The following GPR158 variants were observed in gnomAD, a reference collection of about 807,000 sequenced individuals.
GPR158 encodes the protein metabotropic glycine receptor.
In GPR158, 30 loss-of-function variants were observed where a neutral mutation model predicts 78.2. The observed-to-expected ratio is 0.38, with a 90% confidence interval of 0.29 to 0.52. GPR158 has a LOEUF of 0.52. GPR158 is among the 20% of genes least tolerant of loss of function. The pLI is 0.83. For missense variants in GPR158, 1,463 were observed against 1,523.5 expected, an observed-to-expected ratio of 0.96 and a Z score of 0.66; for synonymous variants, 581 against 591.1, an observed-to-expected ratio of 0.98 and a Z score of 0.25.
chr10:25,389,352 A>G (rs1296124132), intron 2 of GPR158, among the ~76,000 whole-genome samples: 1 of 152,160 alleles, frequency 6.6e-6, no homozygotes, highest in Non-Finnish European at 1.5e-5. Context: ...TGAGGAGATG[A>G]TGGGACATCC....
In GPR158 at chr10:25,370,035, G is replaced by A. The variant is rs1588829820; in HGVS notation, c.1009-25876G>A. Among the ~76,000 whole-genome samples, 8 of 145,150 alleles carry A rather than the reference G, an allele frequency of 5.5e-5. 2 individuals carry two copies. In the South Asian group the frequency reaches 1.6e-3, roughly 30 times the overall value. ...GATATCCCCTTTATCATTTTTTATT[G>A]CATCTATTTGATTCTTCTCTCTTTT... is the stretch of plus-strand genomic sequence containing the variant. On this transcript the variant is annotated intron_variant, in intron 2 of 10. Transcript: ENST00000376351.
intron 2 of GPR158, among the ~76,000 whole-genome samples, chr10:25,383,377 A>G (rs1202526978): frequency 6.6e-6 from 1 of 152,188 alleles, no homozygotes; most frequent in Non-Finnish European, 1.5e-5. Context: ...CGGTCAAAAC[A>G]AAGGAGAGCT....
intron 2 of GPR158, among the ~76,000 whole-genome samples, chr10:25,298,876 GTTTA>G (rs997142426): frequency 2.0e-5 from 3 of 152,186 alleles, no homozygotes; most frequent in African/African-American, 7.2e-5. Context: ...AAATCTCCAT[GTTTA>G]TTTATTTACC....
rs534022 is a variant in GPR158 at position 25,308,298 on chromosome 10, G to A, written c.1008+87141G>A. ...TAGCTATTTTTCCTAATGCTCTCCCGACTCAAACCTACCACCCGACAGGCC... is the reference window on the plus strand; with the variant it reads ...TAGCTATTTTTCCTAATGCTCTCCCAACTCAAACCTACCACCCGACAGGCC... On this transcript the variant is annotated intron_variant, in intron 2 of 10. Coordinates refer to ENST00000376351, the MANE Select transcript of GPR158 (RefSeq NM_020752.3). 4.6e-5 allele frequency among the ~76,000 whole-genome samples: 7 copies of A among 152,218 alleles called. No individual in the cohort carries two copies. In the East Asian group the frequency reaches 1.2e-3, roughly 25 times the overall value.
intron 2 of GPR158, among the ~76,000 whole-genome samples, chr10:25,364,105 A>C (rs1855682727): frequency 6.6e-6 from 1 of 151,968 alleles, no homozygotes; most frequent in Non-Finnish European, 1.5e-5. Context: ...AAGAAGTATT[A>C]TTCTTCACAT....
At chr10:25,454,021 G>T (rs1835258464) in intron 4 of GPR158, among the ~76,000 whole-genome samples, 1 of 152,096 alleles carries the variant, frequency 6.6e-6, no homozygotes, top group Non-Finnish European at 1.5e-5. Context: ...ACTTTGGGTA[G>T]TATGGATATT....
chr10:25,577,045 T>C (rs977993145), intron 7 of GPR158, among the ~76,000 whole-genome samples: 2 of 152,062 alleles, frequency 1.3e-5, no homozygotes, highest in Non-Finnish European at 2.9e-5. Context: ...TTAAGACATC[T>C]GAGACATGTG....
At chr10:25,528,776 T>C (rs560096691) in intron 5 of GPR158, among the ~76,000 whole-genome samples, 15 of 152,248 alleles carry the variant, frequency 9.9e-5, no homozygotes, top group Admixed American at 2.0e-4. Context: ...TAGTCTAAAA[T>C]TTATATAGAA....
intron 1 of GPR158, among the ~76,000 whole-genome samples, chr10:25,211,560 G>T (rs1489301515): frequency 1.3e-5 from 2 of 152,154 alleles, no homozygotes; most frequent in African/African-American, 4.8e-5. Flanking sequence ...ATTCATGAGG[G>T]CGGAGCCCTT....
intron 6 of GPR158, among the ~76,000 whole-genome samples, chr10:25,556,764 C>T (rs115770936): frequency 0.015 from 2,315 of 152,308 alleles, 47 homozygotes; most frequent in African/African-American, 0.053. Context: ...TTACCTCATA[C>T]ACCCACGCTT....
intron 2 of GPR158, among the ~76,000 whole-genome samples, chr10:25,341,619 G>A (rs182034650): frequency 4.9e-4 from 74 of 151,920 alleles, no homozygotes; most frequent in Non-Finnish European, 9.0e-4. Flanking sequence ...TACAGTATCT[G>A]GGCCACCTTA....
intron 3 of GPR158, among the ~76,000 whole-genome samples, chr10:25,403,606 C>G (rs1403709731): frequency 6.6e-6 from 1 of 152,052 alleles, no homozygotes; most frequent in Admixed American, 6.6e-5. Flanking sequence ...TTTCTAGTTG[C>G]TCAGAACTGA....
At chr10:25,372,637 T>A (rs1457424653) in intron 2 of GPR158, among the ~76,000 whole-genome samples, 1 of 140,822 alleles carries the variant, frequency 7.1e-6, no homozygotes, top group Non-Finnish European at 1.5e-5. Flanking sequence ...ATATTCTCAG[T>A]CATAGGTGGG....
chr10:25,517,324 C>A (rs570933156), intron 5 of GPR158, among the ~76,000 whole-genome samples: 1 of 151,996 alleles, frequency 6.6e-6, no homozygotes, highest in South Asian at 2.1e-4. Context: ...CAAACAGGGA[C>A]AATTTGACTT....
chr10:25,443,266 T>A (rs915546826), intron 4 of GPR158, among the ~76,000 whole-genome samples: 2 of 152,114 alleles, frequency 1.3e-5, no homozygotes, highest in Non-Finnish European at 2.9e-5. Flanking sequence ...AAAAAATTTT[T>A]TTGTGAGGCT....
chr10:25,261,326 A>G (rs1467995108), intron 2 of GPR158, among the ~76,000 whole-genome samples: 2 of 152,148 alleles, frequency 1.3e-5, no homozygotes, highest in Non-Finnish European at 2.9e-5. Flanking sequence ...TCACATTCCC[A>G]TAAAACACCA....
intron 7 of GPR158, among the ~76,000 whole-genome samples, chr10:25,574,647 G>A (rs1394265925): frequency 6.6e-6 from 1 of 152,192 alleles, no homozygotes; most frequent in African/African-American, 2.4e-5. Context: ...AGCACTTTGG[G>A]AGGCCGAGGT....
chr10:25,589,860 C>T (rs1837317806), intron 8 of GPR158, among the ~76,000 whole-genome samples: 1 of 152,140 alleles, frequency 6.6e-6, no homozygotes, highest in Non-Finnish European at 1.5e-5. Flanking sequence ...ATGAAACTCT[C>T]AGGGCAGAAC....
intron 6 of GPR158, among the ~76,000 whole-genome samples, chr10:25,559,132 A>G (rs1836827053): frequency 6.6e-6 from 1 of 152,180 alleles, no homozygotes; most frequent in Admixed American, 6.5e-5. Context: ...TTTCATTCTG[A>G]GATGCATAAA....
Sources: allele counts gnomAD v4.1 joint callset (sites outside exome capture counted in the v4.1 genomes callset), GRCh38; gene constraint gnomAD v4.1.1; transcripts MANE v1.5; gene names NCBI Gene and HGNC (gene_info 2026-07-23, HGNC 2026-07-21).